The following PRIM1 variants were observed in gnomAD, a reference collection of about 807,000 sequenced individuals.
The protein encoded by PRIM1 is DNA primase subunit 1, also known as DNA primase small subunit.
Under a neutral mutation model 60.2 loss-of-function variants are expected in PRIM1, and 38 were observed. The ratio of observed to expected loss-of-function variants is 0.63; its 90% CI spans 0.49 to 0.83. The LOEUF is 0.83. PRIM1 is among the 40% of genes least tolerant of loss of function. The pLI is 0.00. For synonymous variants in PRIM1, 158 were observed against 160.2 expected, an observed-to-expected ratio of 0.99 and a Z score of 0.10; for missense variants, 388 against 506.2, an observed-to-expected ratio of 0.77 and a Z score of 2.24.
chr12:56,740,757 GA>G (rs1470726015), intron 9 of PRIM1, among the ~76,000 whole-genome samples: 1 of 151,942 alleles, frequency 6.6e-6, no homozygotes, highest in Admixed American at 6.6e-5. Context: ...ACTCTTTCTC[GA>G]AAAAAATTTT....
chr12:56,734,353 A>G (rs1254744783), intron 11 of PRIM1, 108 bp from the exon 12 acceptor site: 3 of 635,416 alleles, frequency 4.7e-6, no homozygotes, highest in Non-Finnish European at 8.0e-6. Context: ...CAATTGAAAT[A>G]TGAGAGAAAC....
chr12:56,733,307 A>T (rs1464815026), intron 12 of PRIM1, among the ~76,000 whole-genome samples: 1 of 150,514 alleles, frequency 6.6e-6, no homozygotes, highest in African/African-American at 2.5e-5. Context: ...ACAGGCTCCC[A>T]CCACCACACC....
At position 56,746,874 on chromosome 12, in the gene PRIM1, A is replaced by T; in HGVS notation, c.369-20T>A. Reference sequence around the variant, plus strand: ...GCAGAACTAAAGCAGAGTCATCATTACTCATTGTCAGTGATACCACCCACC... The same window carrying T: ...GCAGAACTAAAGCAGAGTCATCATTTCTCATTGTCAGTGATACCACCCACC... On this transcript the variant is annotated intron_variant, in intron 3 of 12. Transcript: ENST00000338193. The T allele has an allele frequency of 1.2e-6, 2 of 1,613,524 alleles. No homozygotes were observed. The highest frequency in any genetic ancestry group is 1.7e-6 in the Non-Finnish European group (2 of 1,179,582).
At chr12:56,740,429 T>C (rs1303771972) in intron 9 of PRIM1, among the ~76,000 whole-genome samples, 1 of 152,096 alleles carries the variant, frequency 6.6e-6, no homozygotes, top group African/African-American at 2.4e-5. Context: ...TAGAAATTCC[T>C]CTACTCTTTT....
chr12:56,736,813 T>C (rs1347793439), intron 11 of PRIM1, among the ~76,000 whole-genome samples: 3 of 151,800 alleles, frequency 2.0e-5, no homozygotes, highest in Non-Finnish European at 4.4e-5. Flanking sequence ...CACATAATTT[T>C]CATTTTGAGA....
chr12:56,741,541 C>A lies in PRIM1; in HGVS notation c.876G>T (p.Leu292=). ...AGTACTGGAGCATAATCTCCCACTC[C>A]AGCCAGGGTCCATATTTGTCATTTT... ...NIKNDKYGPW[L]EWEIMLQYCF... is the part of the protein sequence containing the mutation. Residue 292 remains leucine (L), a synonymous_variant, in exon 9 of 13, where the codon CTG becomes CTT. Transcript: ENST00000338193. 1 of 1,613,232 alleles carries A rather than the reference C, an allele frequency of 6.2e-7. No individual in the cohort carries two copies. Among genetic ancestry groups the A allele is most frequent in the African/African-American group, 1.3e-5 (1 of 74,980 alleles).
At chr12:56,744,204 T>C in intron 5 of PRIM1, 81 bp from the exon 6 acceptor site, 1 of 1,077,046 alleles carries the variant, frequency 9.3e-7, no homozygotes, top group Non-Finnish European at 1.4e-6. Flanking sequence ...ATTTTAGTCA[T>C]GATGGACTGC....
chr12:56,741,366 T>C (rs1953870956), intron 9 of PRIM1, 69 bp downstream of exon 9: 1 of 1,459,828 alleles, frequency 6.9e-7, no homozygotes, highest in Admixed American at 2.3e-5. Context: ...TCAGACCTAA[T>C]GCCATGCTTA....
chr12:56,738,579 G>C (rs1286993861), intron 10 of PRIM1, 54 bp from the exon 11 acceptor site: 4 of 1,525,722 alleles, frequency 2.6e-6, no homozygotes, highest in Non-Finnish European at 3.5e-6. Context: ...TTGAGACGGA[G>C]TCTTGCTCTG....
chr12:56,741,761 T>C lies in PRIM1; in HGVS notation c.825A>G (p.Val275=). The C allele has an allele frequency of 6.2e-7, 1 of 1,613,872 alleles. No individual in the cohort carries two copies. Among genetic ancestry groups the C allele is most frequent in the East Asian group, 2.2e-5 (1 of 44,874 alleles). The change falls in exon 8 of 13, where the codon GTA becomes GTG. Residue 275 remains valine (V), a synonymous_variant. Coordinates refer to ENST00000338193, the MANE Select transcript of PRIM1 (RefSeq NM_000946.3). The stretch of plus-strand genomic sequence containing the variant: ...TGGCATATACCTGATATCTGCTGGC[T>C]ACTTTCTTCAAGTGCTCCCAACGCT... ...SLQRWEHLKK[V]ASRYQNNIKN...
chr12:56,735,435 C>T (rs912372047), intron 11 of PRIM1, among the ~76,000 whole-genome samples: 16 of 151,776 alleles, frequency 1.1e-4, no homozygotes, highest in Non-Finnish European at 1.9e-4. Flanking sequence ...TGCTTTTTTG[C>T]CCAGGCTAGA....
chr12:56,748,576 G>A (rs1031195781), intron 2 of PRIM1, among the ~76,000 whole-genome samples: 1 of 150,616 alleles, frequency 6.6e-6, no homozygotes, highest in Non-Finnish European at 1.5e-5. Flanking sequence ...GCAGTGAGCC[G>A]AGATCATGCC....
intron 2 of PRIM1, among the ~76,000 whole-genome samples, chr12:56,748,898 A>C (rs1953926800): frequency 1.3e-5 from 2 of 151,940 alleles, no homozygotes; most frequent in South Asian, 4.1e-4. Context: ...CAGAAATTGC[A>C]GTGAGCTGAG....
intron 5 of PRIM1, among the ~76,000 whole-genome samples, chr12:56,744,852 G>A (rs951032188): frequency 2.0e-5 from 3 of 152,154 alleles, no homozygotes; most frequent in Non-Finnish European, 2.9e-5. Flanking sequence ...AGCACTTTGA[G>A]AGGCTGAGGC....
intron 9 of PRIM1, among the ~76,000 whole-genome samples, chr12:56,740,414 T>A (rs1019995590): frequency 6.6e-6 from 1 of 152,020 alleles, no homozygotes; most frequent in African/African-American, 2.4e-5. Flanking sequence ...ATTTAGGAAA[T>A]AAAATAGAAA....
intron 2 of PRIM1, among the ~76,000 whole-genome samples, chr12:56,750,826 A>G: frequency 6.6e-6 from 1 of 152,190 alleles, no homozygotes; most frequent in African/African-American, 2.4e-5. Flanking sequence ...TTTTTGTCCT[A>G]GTAAAAATGC....
chr12:56,733,724 G>A lies in PRIM1; in HGVS notation c.1243+423C>T, dbSNP rs143099763. ...CATGTCTCGGCCTCCTGAGTAGCTG[G>A]GATTACAGGTGCCTGCCACCACGCC... On this transcript the variant is annotated intron_variant, in intron 12 of 12. Transcript: ENST00000338193. Among the ~76,000 whole-genome samples the A allele has an allele frequency of 8.7e-3, 1,327 of 151,810 alleles. 9 individuals carry two copies. Among genetic ancestry groups the A allele is most frequent in the African/African-American group, 0.03 (1,232 of 41,382 alleles).
Position 56,743,066 on chromosome 12 carries a change from A to G in PRIM1, c.669T>C (p.Phe223=). 2 of 1,529,660 alleles carry G rather than the reference A, an allele frequency of 1.3e-6. No individual in the cohort carries two copies. The highest frequency in any genetic ancestry group is 2.6e-5 in the South Asian group (2 of 78,190). The allele number at this position is 1,529,660 out of a possible 1,614,324, so 94.8% of individuals were successfully genotyped here. A position where few individuals can be genotyped will look rare whatever the true frequency, so the allele number is the denominator to read the frequency against. ...RKSINIIKKY[F]EEYALVNQDI... ...CTTGATTAACCAAGGCATATTCTTC[A>G]AAGTATTTTTTTATTATGTTTATAG... The change falls in exon 7 of 13, where the codon TTT becomes TTC. Residue 223 remains phenylalanine (F), a synonymous_variant. Transcript: ENST00000338193.
chr12:56,752,057 G>GATCTC, intron 1 of PRIM1, 139 bp downstream of exon 1: 1 of 517,730 alleles, frequency 1.9e-6, no homozygotes, highest in Non-Finnish European at 3.5e-6. Context: ...TGAAGTGGTG[G>GATCTC]GGCGGGCTCG....
Sources: gnomAD v4.1 joint callset for allele counts (sites outside exome capture counted in the v4.1 genomes callset) on GRCh38, gnomAD v4.1.1 for gene constraint, MANE v1.5 for transcripts, NCBI Gene and HGNC (gene_info 2026-07-23, HGNC 2026-07-21) for gene names.